The following ERCC8 variants were observed in gnomAD, a reference collection of about 807,000 sequenced individuals.
ERCC8 encodes the protein ERCC excision repair 8, CSA ubiquitin ligase complex subunit.
ERCC8 carries 52 observed loss-of-function variants against 54.9 expected under a neutral mutation model. The observed-to-expected ratio is 0.95, with a 90% CI of 0.76 to 1.19. The LOEUF is 1.19. ERCC8 is among the 50% of genes most tolerant of loss of function. The pLI, the probability that ERCC8 is intolerant of heterozygous loss-of-function variation, is 0.00. For synonymous variants in ERCC8, 146 were observed against 157.2 expected, an observed-to-expected ratio of 0.93 and a Z score of 0.53; for missense variants, 514 against 466.1, an observed-to-expected ratio of 1.10 and a Z score of -0.95.
At chr5:60,905,631 G>A (rs140196641) in intron 4 of ERCC8, among the ~76,000 whole-genome samples, 1 of 152,298 alleles carries the variant, frequency 6.6e-6, no homozygotes, top group Non-Finnish European at 1.5e-5. Flanking sequence ...ACTCATCTCT[G>A]TCACTGCAGT....
At chr5:60,894,381 G>T (rs1336127071) in intron 9 of ERCC8, among the ~76,000 whole-genome samples, 1 of 152,052 alleles carries the variant, frequency 6.6e-6, no homozygotes, top group Non-Finnish European at 1.5e-5. Context: ...CTGAGAATAG[G>T]TATATATTCC....
chr5:60,929,241 A>G (rs573094531), intron 1 of ERCC8, among the ~76,000 whole-genome samples: 1 of 152,320 alleles, frequency 6.6e-6, no homozygotes, highest in East Asian at 1.9e-4. Flanking sequence ...AATGGACAAA[A>G]GCATAAATTA....
At chr5:60,931,630 C>G (rs1312882006) in intron 1 of ERCC8, among the ~76,000 whole-genome samples, 1 of 152,108 alleles carries the variant, frequency 6.6e-6, no homozygotes, top group Non-Finnish European at 1.5e-5. Flanking sequence ...CATTCTTTCC[C>G]CAGACCACTA....
chr5:60,941,574 C>G (rs571907473), intron 1 of ERCC8, among the ~76,000 whole-genome samples: 1 of 152,262 alleles, frequency 6.6e-6, no homozygotes, highest in South Asian at 2.1e-4. Context: ...GTTCAAGAAG[C>G]AGAATGAACC....
rs376268021 is a variant in ERCC8, at chr5:60,871,592, A to G, written c.*3023T>C. ...TATGTATCATAAGAGATTCATGAAG[A>G]ATGACCATGAAAATGTTAGTGGTGG... On this transcript the variant is annotated 3_prime_UTR_variant, in exon 12 of 12. Transcript: ENST00000676185. Among the ~76,000 whole-genome samples, 37 of 152,240 alleles carry G rather than the reference A, an allele frequency of 2.4e-4. No individual in the cohort carries two copies. Among genetic ancestry groups the G allele is most frequent in the African/African-American group, 8.7e-4 (36 of 41,534 alleles).
At position 60,895,977 on chromosome 5, in the gene ERCC8, ATTTCT is replaced by A. The variant is rs112804303; in HGVS notation, c.843+2294_843+2298del. ...TCCTACAACTTAATGTCATATTAAT[ATTTCT>A]TTTCTTTTCTTTTCTTTTTTGAGAC... On this transcript the variant is annotated intron_variant, in intron 9 of 11. Transcript: ENST00000676185. 2.4e-4 allele frequency among the ~76,000 whole-genome samples: 36 copies of A among 151,858 alleles called. No individual in the cohort carries two copies. The South Asian group carries it at 3.5e-3, about 15-fold the overall frequency.
At chr5:60,938,085 A>ATTT (rs762592885) in intron 1 of ERCC8, among the ~76,000 whole-genome samples, 5 of 18,678 alleles carry the variant, frequency 2.7e-4, no homozygotes, top group African/African-American at 6.6e-4. Flanking sequence ...ATATATATAT[A>ATTT]TTTTATTTTT....
At chr5:60,878,197 A>G (rs1748078631) in intron 11 of ERCC8, among the ~76,000 whole-genome samples, 1 of 152,228 alleles carries the variant, frequency 6.6e-6, no homozygotes, top group African/African-American at 2.4e-5. Flanking sequence ...ATGTTGAACT[A>G]GCCTTGCATC....
At chr5:60,922,220 T>C (rs1167363662) in intron 2 of ERCC8, 65 bp from the exon 3 acceptor site, 2 of 1,100,656 alleles carry the variant, frequency 1.8e-6, no homozygotes, top group East Asian at 2.6e-5. Context: ...TTATTTATGA[T>C]TGCAAATTTC....
chr5:60,890,596 T>C (rs1748517252), intron 10 of ERCC8, among the ~76,000 whole-genome samples: 2 of 152,202 alleles, frequency 1.3e-5, no homozygotes, highest in African/African-American at 4.8e-5. Context: ...CAAAAGATTG[T>C]TTCAAGAAAT....
intron 2 of ERCC8, among the ~76,000 whole-genome samples, chr5:60,925,218 T>G (rs1182287777): frequency 3.3e-5 from 5 of 152,206 alleles, no homozygotes; most frequent in Non-Finnish European, 1.5e-5. Flanking sequence ...AAAAATTTTT[T>G]TTGGGGGGTA....
intron 11 of ERCC8, among the ~76,000 whole-genome samples, chr5:60,876,913 T>G (rs4339295): frequency 0.36 from 55,004 of 151,630 alleles, 10,352 homozygotes; most frequent in Middle Eastern, 0.4. Flanking sequence ...TTTTGGCTTT[T>G]GTTGCCATTG....
Position 60,922,124 on chromosome 5 carries a change from C to T in ERCC8, c.205G>A (p.Val69Ile). ...MLSGGSDGVI[V>I]LYDLENSSRQ... The stretch of plus-strand genomic sequence containing the variant: ...CTGGAGTTCTCAAGGTCATAAAGTA[C>T]AATCACACCATCTGAACCACCTGAT... The change falls in exon 3 of 12, where the codon GTA becomes ATA. Residue 69 changes from valine (V) to isoleucine (I), a missense_variant. Val to Ile is a conservative substitution (Grantham distance 29, BLOSUM62 3). Transcript: ENST00000676185. The T allele has an allele frequency of 1.2e-6, 2 of 1,610,034 alleles. No individual in the cohort carries two copies. Among genetic ancestry groups the T allele is most frequent in the Non-Finnish European group, 1.7e-6 (2 of 1,177,270 alleles).
intron 1 of ERCC8, among the ~76,000 whole-genome samples, chr5:60,940,348 TC>T (rs1750221189): frequency 6.6e-6 from 1 of 152,204 alleles, no homozygotes; most frequent in Non-Finnish European, 1.5e-5. Context: ...TTTTCTCTGT[TC>T]ATCAGAGTCC....
intron 9 of ERCC8, among the ~76,000 whole-genome samples, chr5:60,895,986 C>A (rs1748712413): frequency 6.6e-6 from 1 of 152,070 alleles, no homozygotes; most frequent in Non-Finnish European, 1.5e-5. Context: ...TATTTCTTTT[C>A]TTTTCTTTTC....
At chr5:60,927,699 T>C (rs1385467771) in intron 2 of ERCC8, among the ~76,000 whole-genome samples, 1 of 152,164 alleles carries the variant, frequency 6.6e-6, no homozygotes, top group Non-Finnish European at 1.5e-5. Context: ...AAAAGTCAGC[T>C]ATCTCCTGCT....
rs1054961540 is a variant in ERCC8 at position 60,891,203 on chromosome 5, G to A, written c.844-117C>T. 31 of 695,344 alleles carry A rather than the reference G, an allele frequency of 4.5e-5. 1 individual carries two copies. The Admixed American group carries it at 7.3e-4, about 16-fold the overall frequency. 43.1% of individuals were successfully genotyped at this position (695,344 alleles called of 1,614,324 possible). A position where few individuals can be genotyped will look rare whatever the true frequency, so the allele number is the denominator to read the frequency against. Reference sequence around the variant, plus strand: ...TAAAAAGGGCTCTTTTAAATTTAAGGAAAATATTCAACGTTGACAGAACAA... The same window carrying A: ...TAAAAAGGGCTCTTTTAAATTTAAGAAAAATATTCAACGTTGACAGAACAA... On this transcript the variant is annotated intron_variant, in intron 9 of 11. Transcript: ENST00000676185.
intron 1 of ERCC8, among the ~76,000 whole-genome samples, chr5:60,934,401 C>A (rs1321210649): frequency 6.6e-6 from 1 of 152,120 alleles, no homozygotes; most frequent in Non-Finnish European, 1.5e-5. Flanking sequence ...ACTGTCTATC[C>A]ATGTCAGCCC....
At chr5:60,893,167 C>A (rs1407860512) in intron 9 of ERCC8, 1 of 924,744 alleles carries the variant, frequency 1.1e-6, no homozygotes. Flanking sequence ...CCTAATGGGT[C>A]TCTGGCATCC....
Sources: allele counts gnomAD v4.1 joint callset (sites outside exome capture counted in the v4.1 genomes callset), GRCh38; gene constraint gnomAD v4.1.1; transcripts MANE v1.5; gene names NCBI Gene and HGNC (gene_info 2026-07-23, HGNC 2026-07-21).